Variants in NT5DC4 observed in about 807,000 individuals in gnomAD.
The protein encoded by NT5DC4 is 5'-nucleotidase domain containing 4, also known as 5'-nucleotidase domain-containing protein 4.
NT5DC4 carries 44 observed loss-of-function variants against 26.6 expected under a neutral mutation model. The ratio of observed to expected loss-of-function variants is 1.65; its 90% confidence interval spans 1.30 to 2.13. The LOEUF is 2.13. Ranked by LOEUF, NT5DC4 falls within the 30% of genes most tolerant of loss-of-function variation. The pLI, the probability that NT5DC4 is intolerant of heterozygous loss-of-function variation, is 0.00. For missense variants in NT5DC4, 399 were observed against 228.1 expected, an observed-to-expected ratio of 1.75 and a Z score of -4.83; for synonymous variants, 157 against 86.7, an observed-to-expected ratio of 1.81 and a Z score of -4.51.
intron 16 of NT5DC4, among the ~76,000 whole-genome samples, chr2:112,731,874 G>A (rs115899631): frequency 8.3e-4 from 125 of 151,130 alleles, no homozygotes; most frequent in African/African-American, 2.8e-3. Flanking sequence ...TTAGATACCT[G>A]AGGATAAATA....
chr2:112,736,347 C>A (rs1679166499), intron 16 of NT5DC4, among the ~76,000 whole-genome samples: 1 of 147,782 alleles, frequency 6.8e-6, no homozygotes. Flanking sequence ...CTAATTCTTG[C>A]ATTTTGGTGA....
chr2:112,722,656 C>T (rs112525362), intron 5 of NT5DC4, 58 bp from the exon 6 acceptor site: 6 of 717,332 alleles, frequency 8.4e-6, no homozygotes, highest in East Asian at 8.0e-5. Flanking sequence ...CAGCTCTGTC[C>T]TGGTGGAGAA....
chr2:112,721,517 C>T (rs191214071), intron 1 of NT5DC4: 1 of 717,948 alleles, frequency 1.4e-6, no homozygotes, highest in Non-Finnish European at 2.6e-6. Context: ...TACTTTCTTA[C>T]AGGGTTGGAT....
At chr2:112,729,533 G>A (rs557963982) in intron 15 of NT5DC4, 94 bp from the exon 16 acceptor site, 1 of 692,222 alleles carries the variant, frequency 1.4e-6, no homozygotes, top group South Asian at 1.5e-5. Context: ...GAAGTTGGCA[G>A]CTGTGGGCAG....
intron 16 of NT5DC4, chr2:112,737,990 C>A (rs1679449930): frequency 6.6e-6 from 1 of 152,062 alleles, no homozygotes; most frequent in African/African-American, 2.4e-5. Context: ...TAAGGTAAAA[C>A]CTTTCCACAA....
chr2:112,727,126 C>T (rs1677845696), intron 15 of NT5DC4: 1 of 231,918 alleles, frequency 4.3e-6, no homozygotes, highest in Admixed American at 4.7e-5. Flanking sequence ...AGACAGTGTT[C>T]CCTTGTGGCA....
At chr2:112,726,048 G>A (rs867352597) in intron 13 of NT5DC4, among the ~76,000 whole-genome samples, 190 bp from the exon 14 acceptor site, 2 of 152,252 alleles carry the variant, frequency 1.3e-5, no homozygotes, top group Middle Eastern at 6.8e-3. Context: ...TGTCCCATGG[G>A]GCCTACGGGG....
At chr2:112,719,008 A>G (rs1163294656), upstream of NT5DC4, among the ~76,000 whole-genome samples, 3 of 152,182 alleles carry the variant, frequency 2.0e-5, no homozygotes, top group Admixed American at 1.3e-4. Context: ...CACCATCTTA[A>G]TACAGTCATG....
chr2:112,730,646 C>G (rs926152300), intron 16 of NT5DC4, among the ~76,000 whole-genome samples: 7 of 152,210 alleles, frequency 4.6e-5, no homozygotes, highest in Admixed American at 2.6e-4. Flanking sequence ...AAATGTTCCT[C>G]TTTCTCCCTT....
At chr2:112,735,847 T>G (rs1359856847) in intron 16 of NT5DC4, among the ~76,000 whole-genome samples, 1 of 152,192 alleles carries the variant, frequency 6.6e-6, no homozygotes, top group Non-Finnish European at 1.5e-5. Context: ...TGTGCCATTT[T>G]GAAACTTATA....
At chr2:112,741,472 AAT>A (rs1488085678), downstream of NT5DC4, among the ~76,000 whole-genome samples, 2 of 152,192 alleles carry the variant, frequency 1.3e-5, no homozygotes, top group Admixed American at 6.5e-5. Flanking sequence ...GTCTTGCATT[AAT>A]AGTTTTCATG....
At position 112,725,499 on chromosome 2, in the gene NT5DC4, G is replaced by T; in HGVS notation, c.1100G>T (p.Cys367Phe). 1.4e-6 allele frequency: 1 copy of T among 717,046 alleles called. No individual in the cohort carries two copies. The highest frequency in any genetic ancestry group is 2.6e-6 in the Non-Finnish European group (1 of 384,892). 44.4% of individuals were successfully genotyped at this position (717,046 alleles called of 1,614,324 possible). A position where few individuals can be genotyped will look rare whatever the true frequency, so the allele number is the denominator to read the frequency against. Reference sequence around the variant, plus strand: ...AAGAAGCGTCAGGGCTGGCGGACTTGCCTGGTGGTTCCTGAGCTGTCCTGG... The same window carrying T: ...AAGAAGCGTCAGGGCTGGCGGACTTTCCTGGTGGTTCCTGAGCTGTCCTGG... ...KSKKRQGWRT[C>F]LVVPELSWEL... The change falls in exon 13 of 17, where the codon TGC (cysteine) becomes TTC (phenylalanine). Residue 367 changes from cysteine (C) to phenylalanine (F), a missense_variant. Cys to Phe is a radical substitution (Grantham distance 205). Coordinates refer to ENST00000688554, the MANE Select transcript of NT5DC4 (RefSeq NM_001393655.1).
intron 15 of NT5DC4, chr2:112,727,093 G>A: frequency 3.3e-6 from 1 of 300,014 alleles, no homozygotes; most frequent in Non-Finnish European, 6.6e-6. Context: ...AGTGAGCCCA[G>A]GGTCCTTGGA....
chr2:112,742,069 C>T (rs1056886421), downstream of NT5DC4, among the ~76,000 whole-genome samples: 1 of 150,784 alleles, frequency 6.6e-6, no homozygotes, highest in Non-Finnish European at 1.5e-5. Flanking sequence ...GGATTACAGG[C>T]GTGAGCTACC....
intron 10 of NT5DC4, chr2:112,724,382 G>T: frequency 1.7e-6 from 1 of 592,202 alleles, no homozygotes; most frequent in East Asian, 2.8e-5. Flanking sequence ...GCAGAAAGTG[G>T]GTGAGACGAG....
chr2:112,719,955 T>TTTC (rs1558715217), upstream of NT5DC4, among the ~76,000 whole-genome samples: 3 of 126,890 alleles, frequency 2.4e-5, no homozygotes, highest in African/African-American at 9.2e-5. Context: ...TCTTTCTTTC[T>TTTC]TTCTTTCTTT....
At position 112,727,729 on chromosome 2, in the gene NT5DC4, G is replaced by C. The variant is rs143918140; in HGVS notation, c.1266+991G>C. Among the ~76,000 whole-genome samples the C allele has an allele frequency of 1.1e-3, 173 of 152,320 alleles. 4 individuals are homozygous for C. Among genetic ancestry groups the C allele is most frequent in the Non-Finnish European group, 1.3e-3 (90 of 68,030 alleles). The stretch of plus-strand genomic sequence containing the variant: ...GGCCCAGAGAGGCCAGGGTTGCCCA[G>C]AAAGGGAGTAGGCCAGGTCAGGCCT... On this transcript the variant is annotated intron_variant, in intron 15 of 16. Transcript: ENST00000688554.
At chr2:112,723,509 A>G in intron 8 of NT5DC4, 41 bp downstream of exon 8, 1 of 715,616 alleles carries the variant, frequency 1.4e-6, no homozygotes, top group Non-Finnish European at 2.6e-6. Context: ...ATCACCCCCA[A>G]AGCAGCAGGG....
chr2:112,723,916 C>T, intron 9 of NT5DC4, 114 bp downstream of exon 9: 1 of 692,032 alleles, frequency 1.4e-6, no homozygotes. Flanking sequence ...CCTCCTACCC[C>T]CACCACTGGG....
Sources: allele counts gnomAD v4.1 joint callset (sites outside exome capture counted in the v4.1 genomes callset), GRCh38; gene constraint gnomAD v4.1.1; transcripts MANE v1.5; gene names NCBI Gene and HGNC (gene_info 2026-07-23, HGNC 2026-07-21).